Variants in MYO3A observed in about 807,000 individuals in gnomAD.
MYO3A encodes myosin-IIIa.
A neutral mutation model predicts 192.7 loss-of-function variants in MYO3A; 180 were observed. That is an observed-to-expected ratio of 0.93 (90% CI 0.83 to 1.06). MYO3A has a LOEUF of 1.06. Ranked by LOEUF, MYO3A falls within the 50% of genes least tolerant of loss-of-function variation. MYO3A has a pLI of 0.00. For synonymous variants in MYO3A, 628 were observed against 645.3 expected, an observed-to-expected ratio of 0.97 and a Z score of 0.41; for missense variants, 1,896 against 1,905.0, an observed-to-expected ratio of 1.00 and a Z score of 0.09.
chr10:26,061,224 C>A (rs1470351412), intron 10 of MYO3A, among the ~76,000 whole-genome samples: 1 of 152,148 alleles, frequency 6.6e-6, no homozygotes, highest in African/African-American at 2.4e-5. Flanking sequence ...CCACCACGCC[C>A]GGCCGACACC....
At chr10:25,959,443 A>C (rs1366355179) in intron 4 of MYO3A, among the ~76,000 whole-genome samples, 1 of 152,080 alleles carries the variant, frequency 6.6e-6, no homozygotes, top group African/African-American at 2.4e-5. Context: ...CACACTTTTG[A>C]TTTGTTGTGA....
intron 4 of MYO3A, among the ~76,000 whole-genome samples, chr10:25,993,753 C>G (rs964119317): frequency 2.6e-5 from 4 of 152,164 alleles, no homozygotes; most frequent in Non-Finnish European, 5.9e-5. Context: ...TTTATTTCTG[C>G]CTTCATTTCA....
chr10:26,077,303 G>A lies in MYO3A; in HGVS notation c.1359+6902G>A, dbSNP rs897217085. 2.5e-5 allele frequency among the ~76,000 whole-genome samples: 3 copies of A among 121,260 alleles called. No homozygotes were observed. In the Admixed American group the frequency reaches 2.7e-4, roughly 11 times the overall value. The allele number at this position is 121,260 out of a possible 152,430, so 79.6% of individuals were successfully genotyped here. Reference sequence around the variant, plus strand: ...AGTTTTTTGTTTGATTCTCCACTTGGTTGTTGTTGGTATATAGAAGAATTA... The same window carrying A: ...AGTTTTTTGTTTGATTCTCCACTTGATTGTTGTTGGTATATAGAAGAATTA... On this transcript the variant is annotated intron_variant, in intron 14 of 34. Transcript: ENST00000642920.
chr10:25,996,171 G>A lies in MYO3A; in HGVS notation c.304-319G>A, dbSNP rs113396120. ...TCCACGCAGTTCCAGCTTCCTGGCCGCTTTGTTCACCTACTCAAGCCTCAG... is the reference window on the plus strand; with the variant it reads ...TCCACGCAGTTCCAGCTTCCTGGCCACTTTGTTCACCTACTCAAGCCTCAG... On this transcript the variant is annotated intron_variant, in intron 4 of 34. Coordinates refer to ENST00000642920, the MANE Select transcript of MYO3A (RefSeq NM_017433.5). 0.095 allele frequency among the ~76,000 whole-genome samples: 14,498 copies of A among 152,246 alleles called. 1,225 individuals are homozygous for A. Among genetic ancestry groups the A allele is most frequent in the African/African-American group, 0.22 (9,016 of 41,526 alleles).
Position 25,952,206 on chromosome 10 carries a change from T to A in MYO3A, c.96T>A (p.Tyr32Ter). The A allele has an allele frequency of 6.2e-7, 1 of 1,612,818 alleles. No individual in the cohort carries two copies. ...EITETIGKGT[Y>*]GKVFKVLNKK... ...CTGAGACAATTGGCAAAGGAACTTA[T>A]GGGAAAGTTTTTAAAGTATTGAATA... Residue 32 changes from tyrosine to a stop codon, truncating the protein, a stop_gained, in exon 3 of 35, where the codon TAT (tyrosine) becomes TAA (stop). Transcript: ENST00000642920. LOFTEE classifies it high-confidence loss of function.
At chr10:26,209,193 T>G (rs372824103) in intron 34 of MYO3A, among the ~76,000 whole-genome samples, 3 of 152,278 alleles carry the variant, frequency 2.0e-5, no homozygotes, top group East Asian at 1.9e-4. Flanking sequence ...TGGATGACCT[T>G]TCCACCCTCC....
At chr10:26,114,190 T>C (rs1336701162) in intron 17 of MYO3A, among the ~76,000 whole-genome samples, 1 of 152,144 alleles carries the variant, frequency 6.6e-6, no homozygotes, top group Non-Finnish European at 1.5e-5. Context: ...GTGCCAGATC[T>C]GCCAGGGATG....
chr10:26,067,318 A>G (rs1834916450), intron 11 of MYO3A, among the ~76,000 whole-genome samples: 1 of 152,134 alleles, frequency 6.6e-6, no homozygotes, highest in African/African-American at 2.4e-5. Context: ...TTTCCAGCCT[A>G]GTGTTCATTT....
At chr10:26,178,064 G>A (rs890589032) in intron 31 of MYO3A, among the ~76,000 whole-genome samples, 1 of 152,220 alleles carries the variant, frequency 6.6e-6, no homozygotes, top group African/African-American at 2.4e-5. Flanking sequence ...TCAGAGCCCA[G>A]AGGCCCATTC....
At chr10:26,144,741 T>G (rs1298036350) in intron 21 of MYO3A, among the ~76,000 whole-genome samples, 1 of 152,152 alleles carries the variant, frequency 6.6e-6, no homozygotes, top group Non-Finnish European at 1.5e-5. Context: ...GTTTACTTCC[T>G]CCGTACCAGT....
chr10:26,202,807 C>A, intron 33 of MYO3A, 157 bp from the exon 34 acceptor site: 1 of 779,208 alleles, frequency 1.3e-6, no homozygotes, highest in Non-Finnish European at 2.0e-6. Context: ...ATGGGATACA[C>A]TGTTTTTCCC....
intron 4 of MYO3A, among the ~76,000 whole-genome samples, chr10:25,956,362 G>C (rs1437889145): frequency 7.0e-6 from 1 of 142,052 alleles, no homozygotes; most frequent in Non-Finnish European, 1.5e-5. Flanking sequence ...ATGGAGTCTT[G>C]CTTTGTTGCC....
chr10:26,106,977 C>G (rs888316438), intron 17 of MYO3A, among the ~76,000 whole-genome samples: 1 of 151,828 alleles, frequency 6.6e-6, no homozygotes, highest in African/African-American at 2.4e-5. Context: ...TGCCAGTGAG[C>G]TTTTTTCTTT....
intron 5 of MYO3A, 26 bp from the exon 6 acceptor site, chr10:25,997,133 G>A (rs767829733): frequency 1.3e-6 from 2 of 1,563,934 alleles, no homozygotes; most frequent in East Asian, 4.5e-5. Context: ...TTTGTTAAGA[G>A]TCATTATATA....
intron 2 of MYO3A, among the ~76,000 whole-genome samples, chr10:25,950,889 T>G (rs1387387122): frequency 6.6e-6 from 1 of 152,120 alleles, no homozygotes; most frequent in Non-Finnish European, 1.5e-5. Context: ...TATAGATAAT[T>G]GAAATAATGT....
intron 10 of MYO3A, among the ~76,000 whole-genome samples, chr10:26,062,663 C>T (rs948652336): frequency 6.6e-6 from 1 of 151,642 alleles, no homozygotes; most frequent in African/African-American, 2.4e-5. Flanking sequence ...GTTTTATTTT[C>T]TTAACAAGAA....
chr10:26,179,529 T>G (rs1395026122), intron 31 of MYO3A, among the ~76,000 whole-genome samples: 1 of 152,230 alleles, frequency 6.6e-6, no homozygotes, highest in East Asian at 1.9e-4. Context: ...ATCAGTCTAT[T>G]GTAAAATTGG....
intron 32 of MYO3A, among the ~76,000 whole-genome samples, chr10:26,196,242 G>A (rs1054277722): frequency 2.6e-5 from 4 of 152,226 alleles, no homozygotes; most frequent in African/African-American, 9.6e-5. Context: ...TCTTTATTAA[G>A]TGCAACTGAA....
chr10:26,188,261 C>T, intron 31 of MYO3A, among the ~76,000 whole-genome samples: 1 of 152,264 alleles, frequency 6.6e-6, no homozygotes, highest in East Asian at 1.9e-4. Flanking sequence ...AGCATTTTTT[C>T]ATGTGTTTTT....
Sources: allele counts gnomAD v4.1 joint callset (sites outside exome capture counted in the v4.1 genomes callset), GRCh38; gene constraint gnomAD v4.1.1; transcripts MANE v1.5; gene names NCBI Gene and HGNC (gene_info 2026-07-23, HGNC 2026-07-21).